Variants in PROM1 observed in about 807,000 individuals in gnomAD.
PROM1 encodes prominin 1.
A neutral mutation model predicts 116.9 loss-of-function variants in PROM1; 105 were observed. That is an observed-to-expected ratio of 0.90 (90% CI 0.77 to 1.06). The LOEUF (loss-of-function observed/expected upper bound fraction) is 1.06, where lower values mean the gene tolerates loss of function less well. Ranked by LOEUF, PROM1 falls within the 50% of genes least tolerant of loss-of-function variation. The pLI is 0.00. For missense variants in PROM1, 1,122 were observed against 1,045.2 expected (o/e 1.07, Z -1.01); for synonymous variants, 393 against 387.0 (o/e 1.02, Z -0.18).
chr4:16,056,171 G>A (rs968417735), intron 2 of PROM1, among the ~76,000 whole-genome samples: 5 of 152,296 alleles, frequency 3.3e-5, no homozygotes, highest in African/African-American at 1.2e-4. Flanking sequence ...AGTCCAGCTG[G>A]CACAGTCGCA....
rs1733212554 is a variant in PROM1, at chr4:16,033,433, C to A, written c.380G>T (p.Gly127Val). The change falls in exon 5 of 28, where the codon GGG becomes GTG. Residue 127 changes from glycine (G) to valine (V), a missense_variant. Gly to Val is a moderately radical substitution (Grantham distance 109). Transcript: ENST00000447510. ...LLFIILMPLV[G>V]YFFCMCRCCN... ...GCAACGACACATACAAAAGAAATAC[C>A]CCACCAGAGGCATCAGAATAATAAA... 6.2e-7 allele frequency: 1 copy of A among 1,613,674 alleles called. No individual in the cohort carries two copies. Among genetic ancestry groups the A allele is most frequent in the Non-Finnish European group, 8.5e-7 (1 of 1,179,766 alleles).
chr4:16,015,258 A>T (rs1423760623), intron 10 of PROM1, among the ~76,000 whole-genome samples: 2 of 142,602 alleles, frequency 1.4e-5, no homozygotes, highest in Non-Finnish European at 1.5e-5. Context: ...AGGCATGAGA[A>T]TCGCTTGAAC....
intron 5 of PROM1, among the ~76,000 whole-genome samples, chr4:16,031,154 T>G (rs1732612130): frequency 6.6e-6 from 1 of 152,236 alleles, no homozygotes; most frequent in Non-Finnish European, 1.5e-5. Context: ...GAAATTATAC[T>G]ATATGTATTG....
intron 22 of PROM1, among the ~76,000 whole-genome samples, chr4:15,984,924 A>T (rs183328510): frequency 1.3e-5 from 2 of 152,348 alleles, no homozygotes. Context: ...ACTGTCTTCC[A>T]CTAAACCAGT....
chr4:16,049,532 G>A (rs1008234515), intron 2 of PROM1, among the ~76,000 whole-genome samples: 10 of 152,048 alleles, frequency 6.6e-5, no homozygotes, highest in East Asian at 3.9e-4. Context: ...TAAGAAATAC[G>A]CACTTCTTGA....
At chr4:16,048,863 T>C (rs1737181010) in intron 2 of PROM1, among the ~76,000 whole-genome samples, 1 of 152,206 alleles carries the variant, frequency 6.6e-6, no homozygotes. Flanking sequence ...TACCTGGATG[T>C]AGCATGTGGT....
At chr4:16,046,429 A>T (rs1488679945) in intron 2 of PROM1, among the ~76,000 whole-genome samples, 1 of 152,162 alleles carries the variant, frequency 6.6e-6, no homozygotes, top group East Asian at 1.9e-4. Flanking sequence ...TGTCTTCTTT[A>T]GATAGGAAAA....
intron 23 of PROM1, among the ~76,000 whole-genome samples, chr4:15,980,796 GA>G: frequency 6.6e-6 from 1 of 152,094 alleles, no homozygotes. Context: ...ACGAGGAGCA[GA>G]AACAGCAAGT....
intron 8 of PROM1, among the ~76,000 whole-genome samples, chr4:16,022,599 C>T (rs529100314): frequency 1.3e-5 from 2 of 152,240 alleles, no homozygotes; most frequent in Non-Finnish European, 2.9e-5. Context: ...CTCAGGGATG[C>T]TAGCTCATGA....
At chr4:16,061,334 A>G (rs1375816222) in intron 2 of PROM1, among the ~76,000 whole-genome samples, 9 of 152,230 alleles carry the variant, frequency 5.9e-5, no homozygotes, top group African/African-American at 1.9e-4. Flanking sequence ...TTCTTCTAGA[A>G]TACTATGTGA....
intron 22 of PROM1, chr4:15,985,391 C>T (rs1287999802): frequency 1.4e-5 from 3 of 213,248 alleles, no homozygotes; most frequent in Non-Finnish European, 2.7e-5. Flanking sequence ...CCTCGGTTTC[C>T]AGTTTCCTCA....
chr4:16,038,625 A>G (rs2149406469), intron 3 of PROM1, among the ~76,000 whole-genome samples: 1 of 150,416 alleles, frequency 6.6e-6, no homozygotes, highest in East Asian at 2.0e-4. Flanking sequence ...CTGGTCTCAG[A>G]CTCCTGACCT....
intron 18 of PROM1, among the ~76,000 whole-genome samples, chr4:15,990,613 C>T (rs573482544): frequency 1.4e-3 from 213 of 152,152 alleles, no homozygotes; most frequent in Non-Finnish European, 5.3e-4. Flanking sequence ...AGTGAGGGTG[C>T]CCGCACTCAG....
rs1404152672 is a variant in PROM1, at chr4:16,012,892, C to CA, written c.1141+382dup. 5.2e-3 allele frequency among the ~76,000 whole-genome samples: 598 copies of CA among 115,960 alleles called. 23 individuals carry two copies. The East Asian group carries it at 0.11, about 22-fold the overall frequency. 76.1% of individuals were successfully genotyped at this position (115,960 alleles called of 152,430 possible). On this transcript the variant is annotated intron_variant, in intron 11 of 27. Coordinates refer to ENST00000447510, the MANE Select transcript of PROM1 (RefSeq NM_006017.3). ...TCTCAAAAAAAAAAAAAAAAAAAAA[C>CA]AACAAACTTTGATCTTAAGTTTGTT... is the stretch of plus-strand genomic sequence containing the variant.
At chr4:15,978,737 G>C (rs1007160822) in intron 26 of PROM1, among the ~76,000 whole-genome samples, 5 of 152,214 alleles carry the variant, frequency 3.3e-5, no homozygotes, top group African/African-American at 1.2e-4. Flanking sequence ...CTGCTGCCCT[G>C]CTGCCCTGCA....
chr4:16,046,311 CAG>C (rs1490084850), intron 2 of PROM1, among the ~76,000 whole-genome samples: 1 of 152,244 alleles, frequency 6.6e-6, no homozygotes, highest in Non-Finnish European at 1.5e-5. Context: ...AAATTACAAA[CAG>C]AGGTAACTCT....
At chr4:16,043,702 G>A (rs952790357) in intron 2 of PROM1, among the ~76,000 whole-genome samples, 3 of 152,220 alleles carry the variant, frequency 2.0e-5, no homozygotes, top group African/African-American at 4.8e-5. Flanking sequence ...ACTGTAGCCC[G>A]AAATACAGAA....
intron 13 of PROM1, among the ~76,000 whole-genome samples, chr4:16,004,961 CTCTTT>C (rs1560461540): frequency 1.3e-5 from 1 of 79,158 alleles, no homozygotes; most frequent in East Asian, 3.6e-4. Context: ...TTCTCGCTCT[CTCTTT>C]TTTTTTTTTT....
chr4:16,042,713 A>G (rs191512113), intron 2 of PROM1, among the ~76,000 whole-genome samples: 69 of 152,380 alleles, frequency 4.5e-4, no homozygotes, highest in Admixed American at 1.4e-3. Context: ...TTTAAAAACT[A>G]GCACTTGCAC....
Sources: gnomAD v4.1 joint callset for allele counts (sites outside exome capture counted in the v4.1 genomes callset) on GRCh38, gnomAD v4.1.1 for gene constraint, MANE v1.5 for transcripts, NCBI Gene and HGNC (gene_info 2026-07-23, HGNC 2026-07-21) for gene names.